Variants in HERC3 observed in about 807,000 individuals in gnomAD.
HERC3 encodes the protein probable E3 ubiquitin-protein ligase HERC3.
HERC3 carries 58 observed loss-of-function variants against 129.9 expected under a neutral mutation model. The ratio of observed to expected loss-of-function variants is 0.45; its 90% CI spans 0.36 to 0.56. HERC3 has a LOEUF of 0.56. HERC3 is among the 20% of genes least tolerant of loss of function. The pLI, the probability that HERC3 is intolerant of heterozygous loss-of-function variation, is 0.00. For missense variants in HERC3, 835 were observed against 1,244.2 expected (o/e 0.67, Z 4.95); for synonymous variants, 430 against 451.0 (o/e 0.95, Z 0.59).
chr4:88,689,402 C>G (rs1733824881), intron 23 of HERC3, among the ~76,000 whole-genome samples: 1 of 151,214 alleles, frequency 6.6e-6, no homozygotes, highest in Non-Finnish European at 1.5e-5. Flanking sequence ...ATCTGTAGTT[C>G]CAGCTACTCA....
chr4:88,657,916 G>A (rs1560729264), intron 9 of HERC3, among the ~76,000 whole-genome samples: 2 of 152,120 alleles, frequency 1.3e-5, no homozygotes, highest in Non-Finnish European at 1.5e-5. Flanking sequence ...GGGAGGCACC[G>A]AGATGTGAAA....
In HERC3 at chr4:88,662,503, A is replaced by G. The variant is rs761789554; in HGVS notation, c.1219A>G (p.Ile407Val). The part of the protein sequence containing the change: ...HYTSLINDET[I>V]AVWRQKLSEH... Reference sequence around the variant, plus strand: ...TACCAGTTTAATAAATGATGAAACCATAGCAGTTTGGAGACAAAAACTCTC... The same window carrying G: ...TACCAGTTTAATAAATGATGAAACCGTAGCAGTTTGGAGACAAAAACTCTC... Residue 407 changes from isoleucine to valine, a missense_variant, in exon 11 of 26, where the codon ATA becomes GTA. By Grantham distance (29) the Ile-to-Val change is conservative. Coordinates refer to ENST00000402738, the MANE Select transcript of HERC3 (RefSeq NM_014606.3). 4 of 1,613,714 alleles carry G rather than the reference A, an allele frequency of 2.5e-6. No individual in the cohort carries two copies. In the Admixed American group the frequency reaches 6.7e-5, roughly 27 times the overall value.
Position 88,678,096 on chromosome 4 carries a change from A to G in HERC3, c.2158A>G (p.Ser720Gly). 1 of 1,614,008 alleles carries G rather than the reference A, an allele frequency of 6.2e-7. No individual in the cohort carries two copies. Among genetic ancestry groups the G allele is most frequent in the Non-Finnish European group, 8.5e-7 (1 of 1,179,974 alleles). The change falls in exon 19 of 26, where the codon AGC becomes GGC. Residue 720 changes from serine to glycine, a missense_variant. Transcript: ENST00000402738. ...TGTTGGAGATGCCCTAAGAGAGCTG[A>G]GCATTCATTCTGATATTGATTTGAA... ...NLVGDALREL[S>G]IHSDIDLKKP...
the HERC3 span, among the ~76,000 whole-genome samples, chr4:88,552,018 G>A: frequency 1.3e-4 from 19 of 151,854 alleles, no homozygotes; most frequent in Admixed American, 2.6e-4. Flanking sequence ...ATCATTCTCA[G>A]TAAACTATCG....
At chr4:88,655,061 C>A in intron 7 of HERC3, 113 bp from the exon 8 acceptor site, 1 of 1,007,940 alleles carries the variant, frequency 9.9e-7, no homozygotes, top group Non-Finnish European at 1.4e-6. Flanking sequence ...GGCCAAGTGT[C>A]AAGTGAATGT....
the HERC3 span, among the ~76,000 whole-genome samples, chr4:88,553,284 A>G: frequency 6.6e-6 from 1 of 152,220 alleles, no homozygotes; most frequent in African/African-American, 2.4e-5. Context: ...GATTTCTAGA[A>G]TAAGTTTGAA....
chr4:88,616,676 T>C (rs1724936039), intron 3 of HERC3, among the ~76,000 whole-genome samples: 1 of 151,830 alleles, frequency 6.6e-6, no homozygotes, highest in South Asian at 2.1e-4. Context: ...CTGTTTTTGT[T>C]TGTTTGTTTG....
At chr4:88,703,608 G>C (rs1256782928) in intron 23 of HERC3, among the ~76,000 whole-genome samples, 2 of 152,162 alleles carry the variant, frequency 1.3e-5, no homozygotes, top group Non-Finnish European at 2.9e-5. Flanking sequence ...GTTCTTCCCA[G>C]AGGTAAAGGT....
chr4:88,616,451 G>A (rs924483161), intron 3 of HERC3, among the ~76,000 whole-genome samples: 2 of 152,226 alleles, frequency 1.3e-5, no homozygotes, highest in African/African-American at 4.8e-5. Context: ...TGGGTAGTAT[G>A]ATCTTGTCAT....
intron 3 of HERC3, among the ~76,000 whole-genome samples, chr4:88,626,224 CT>C (rs965910385): frequency 6.6e-6 from 1 of 151,440 alleles, no homozygotes; most frequent in Non-Finnish European, 1.5e-5. Flanking sequence ...CTTTTCTTTT[CT>C]TTTTTTGAGA....
the HERC3 span, among the ~76,000 whole-genome samples, chr4:88,585,408 A>G: frequency 4.6e-5 from 7 of 152,180 alleles, no homozygotes; most frequent in African/African-American, 1.7e-4. Context: ...TGATTGGACC[A>G]TGATGGATAA....
the HERC3 span, among the ~76,000 whole-genome samples, chr4:88,538,363 A>G: frequency 6.6e-6 from 1 of 152,188 alleles, no homozygotes; most frequent in East Asian, 1.9e-4. Context: ...CTGCTATAAC[A>G]AAGTACCACA....
chr4:88,623,884 C>T (rs911042644), intron 3 of HERC3, among the ~76,000 whole-genome samples: 5 of 152,096 alleles, frequency 3.3e-5, no homozygotes, highest in African/African-American at 1.2e-4. Context: ...ATCAGGTAAC[C>T]ACTACCACAA....
In HERC3 at chr4:88,658,461, C is replaced by A; in HGVS notation, c.1116C>A (p.Asp372Glu). The A allele has an allele frequency of 1.2e-6, 2 of 1,605,390 alleles. No individual in the cohort carries two copies. The highest frequency in any genetic ancestry group is 1.1e-5 in the South Asian group (1 of 89,966). Residue 372 changes from aspartate to glutamate, a missense_variant, in exon 10 of 26, where the codon GAC becomes GAA. By Grantham distance (45) the Asp-to-Glu change is conservative. Coordinates refer to ENST00000402738, the MANE Select transcript of HERC3 (RefSeq NM_014606.3). ...TTAAGCAGATCTTCTCTGGAGGAGA[C>A]CAGACTTTTGTACTTTGCTCCAAAT... Reference protein sequence around the residue: ...HIVKQIFSGGDQTFVLCSKYE... With the variant: ...HIVKQIFSGGEQTFVLCSKYE...
the HERC3 span, among the ~76,000 whole-genome samples, chr4:88,551,817 A>C: frequency 6.6e-6 from 1 of 152,208 alleles, no homozygotes; most frequent in Non-Finnish European, 1.5e-5. Flanking sequence ...TCATGCTGCT[A>C]TAAAGATACA....
chr4:88,583,712 T>A, the HERC3 span: 1 of 152,244 alleles, frequency 6.6e-6, no homozygotes, highest in Admixed American at 6.5e-5. Flanking sequence ...CAGATTTGGC[T>A]AACCTACATT....
At chr4:88,574,827 A>T in the HERC3 span, among the ~76,000 whole-genome samples, 1 of 152,192 alleles carries the variant, frequency 6.6e-6, no homozygotes, top group Non-Finnish European at 1.5e-5. Context: ...TGATAGACCC[A>T]AGTTACTTCT....
chr4:88,601,682 C>T (rs1253162024), intron 2 of HERC3, among the ~76,000 whole-genome samples: 1 of 152,176 alleles, frequency 6.6e-6, no homozygotes, highest in African/African-American at 2.4e-5. Context: ...GTCTTGAAAT[C>T]CTGATATTTT....
At chr4:88,546,507 T>A in the HERC3 span, among the ~76,000 whole-genome samples, 2 of 146,752 alleles carry the variant, frequency 1.4e-5, no homozygotes, top group African/African-American at 2.5e-5. Flanking sequence ...CTTCCTCCCT[T>A]CCTCCTTTCC....
Sources: gnomAD v4.1 joint callset for allele counts (sites outside exome capture counted in the v4.1 genomes callset) on GRCh38, gnomAD v4.1.1 for gene constraint, MANE v1.5 for transcripts, NCBI Gene and HGNC (gene_info 2026-07-23, HGNC 2026-07-21) for gene names.